The following PBX1 variants were observed in gnomAD, a reference collection of about 807,000 sequenced individuals.
PBX1 encodes pre-B-cell leukemia transcription factor 1.
PBX1 carries 6 observed loss-of-function variants against 53.4 expected under a neutral mutation model. The ratio of observed to expected loss-of-function variants is 0.11; its 90% CI spans 0.06 to 0.22. The LOEUF is 0.22. Among genes scored for constraint, PBX1 ranks in the 10% least tolerant of loss-of-function variants. The pLI is 1.00. For missense variants in PBX1, 251 were observed against 551.4 expected (o/e 0.46, Z 5.46); for synonymous variants, 204 against 212.3 (o/e 0.96, Z 0.34).
At chr1:164,588,132 C>T (rs1253612448) in intron 2 of PBX1, among the ~76,000 whole-genome samples, 3 of 152,074 alleles carry the variant, frequency 2.0e-5, no homozygotes, top group South Asian at 4.1e-4. Context: ...GGATACCCAT[C>T]GCAGGGAGCT....
downstream of PBX1, among the ~76,000 whole-genome samples, chr1:164,852,281 A>G (rs1671871616): frequency 6.6e-6 from 1 of 152,206 alleles, no homozygotes; most frequent in Admixed American, 6.5e-5. Flanking sequence ...GTTACAAATA[A>G]TACCCAGTTG....
At chr1:164,659,870 A>G (rs1278471531) in intron 2 of PBX1, among the ~76,000 whole-genome samples, 1 of 152,166 alleles carries the variant, frequency 6.6e-6, no homozygotes, top group Non-Finnish European at 1.5e-5. Context: ...GTCTCCTAAC[A>G]GGCTTCCTCT....
intron 2 of PBX1, among the ~76,000 whole-genome samples, chr1:164,625,275 G>A (rs746803044): frequency 6.6e-6 from 1 of 152,188 alleles, no homozygotes; most frequent in African/African-American, 2.4e-5. Context: ...GACGGATAAA[G>A]ACAGTTACAG....
chr1:164,731,833 C>T (rs897786401), intron 2 of PBX1, among the ~76,000 whole-genome samples: 3 of 152,166 alleles, frequency 2.0e-5, no homozygotes, highest in African/African-American at 4.8e-5. Context: ...ATGAGCTCGG[C>T]GGCCTGTGTG....
At position 164,849,691 on chromosome 1, in the gene PBX1, A is replaced by G. The variant is rs1671739920; in HGVS notation, c.*3015A>G. On this transcript the variant is annotated 3_prime_UTR_variant, in exon 9 of 9. Coordinates refer to ENST00000420696, the MANE Select transcript of PBX1 (RefSeq NM_002585.4). ...TAATCCATCCTCCCTCTGGCATGGA[A>G]TTGACGCCCGTGCAGTACATTTGCC... is the stretch of plus-strand genomic sequence containing the variant. 1 of 370,424 alleles carries G rather than the reference A, an allele frequency of 2.7e-6. No homozygotes were observed. The highest frequency in any genetic ancestry group is 4.9e-6 in the Non-Finnish European group (1 of 204,002). The allele number at this position is 370,424 out of a possible 1,614,324, so 22.9% of individuals were successfully genotyped here.
At chr1:164,589,788 AC>A (rs1302182889) in intron 2 of PBX1, among the ~76,000 whole-genome samples, 2 of 152,294 alleles carry the variant, frequency 1.3e-5, no homozygotes, top group East Asian at 3.9e-4. Flanking sequence ...AGGTGAAGTG[AC>A]TTTTCCAAGG....
At chr1:164,664,752 T>A (rs1264852638) in intron 2 of PBX1, among the ~76,000 whole-genome samples, 2 of 152,126 alleles carry the variant, frequency 1.3e-5, no homozygotes, top group Non-Finnish European at 2.9e-5. Context: ...GAGGAGCAAG[T>A]CATATCTTAT....
In PBX1 at chr1:164,610,082, C is replaced by T. The variant is rs1264107757; in HGVS notation, c.265+46771C>T. On this transcript the variant is annotated intron_variant, in intron 2 of 8. Coordinates refer to ENST00000420696, the MANE Select transcript of PBX1 (RefSeq NM_002585.4). ...CCCCACCTTCCATGCCTGCGCGTCT[C>T]CTTTTGTTCTGTCAGGTTTAGCATT... Among the ~76,000 whole-genome samples, 3 of 152,204 alleles carry T rather than the reference C, an allele frequency of 2.0e-5. No homozygotes were observed. The East Asian group carries it at 5.8e-4, about 29-fold the overall frequency.
intron 2 of PBX1, among the ~76,000 whole-genome samples, chr1:164,751,739 G>A (rs1250700147): frequency 2.6e-5 from 4 of 151,736 alleles, no homozygotes; most frequent in East Asian, 2.0e-4. Flanking sequence ...CTGCCACCAC[G>A]CCTGGCTAAT....
chr1:164,737,645 A>AT, intron 2 of PBX1, among the ~76,000 whole-genome samples: 1 of 151,920 alleles, frequency 6.6e-6, no homozygotes, highest in Non-Finnish European at 1.5e-5. Flanking sequence ...TGCCCAACTG[A>AT]TTTTTGTATC....
chr1:164,826,259 C>T (rs534176030), intron 8 of PBX1, among the ~76,000 whole-genome samples: 1 of 151,680 alleles, frequency 6.6e-6, no homozygotes, highest in Non-Finnish European at 1.5e-5. Flanking sequence ...TTCTTTCTAG[C>T]CAACCCCAGT....
chr1:164,572,020 C>T (rs1312339837), intron 2 of PBX1, among the ~76,000 whole-genome samples: 1 of 150,102 alleles, frequency 6.7e-6, no homozygotes, highest in Non-Finnish European at 1.5e-5. Flanking sequence ...GATTCTCCTG[C>T]CTCAGCCTCC....
chr1:164,880,093 G>A (rs1215357707), intron 2 of PBX1, among the ~76,000 whole-genome samples: 3 of 152,162 alleles, frequency 2.0e-5, no homozygotes, highest in African/African-American at 7.2e-5. Flanking sequence ...CTGAAAAGAA[G>A]GCTTATGTTT....
chr1:164,620,997 A>G (rs1657637484), intron 2 of PBX1, among the ~76,000 whole-genome samples: 1 of 147,900 alleles, frequency 6.8e-6, no homozygotes. Flanking sequence ...AAAAAAATTA[A>G]TTAATTTTTT....
intron 2 of PBX1, among the ~76,000 whole-genome samples, chr1:164,736,377 G>GCGA (rs1665272178): frequency 6.6e-6 from 1 of 152,162 alleles, no homozygotes; most frequent in South Asian, 2.1e-4. Flanking sequence ...GCCAGCTAAT[G>GCGA]CGACGGCTGT....
intron 2 of PBX1, among the ~76,000 whole-genome samples, chr1:164,741,967 A>G (rs1665639860): frequency 6.6e-6 from 1 of 152,070 alleles, no homozygotes; most frequent in Admixed American, 6.6e-5. Context: ...TATCTGGAAA[A>G]ATATAAATTT....
At chr1:164,737,491 G>GT (rs904404975) in intron 2 of PBX1, among the ~76,000 whole-genome samples, 107 of 140,186 alleles carry the variant, frequency 7.6e-4, no homozygotes, top group Admixed American at 1.6e-3. Context: ...CTTTTTTTTT[G>GT]TTTTTTTTTG....
intron 3 of PBX1, among the ~76,000 whole-genome samples, chr1:164,796,261 G>A (rs1412812609): frequency 1.3e-5 from 2 of 152,128 alleles, no homozygotes; most frequent in Non-Finnish European, 2.9e-5. Context: ...ACCCGCCTCA[G>A]ACTCCCAAAG....
Position 164,847,946 on chromosome 1 carries a change from C to T in PBX1, c.*1270C>T. 1 of 1,052,498 alleles carries T rather than the reference C, an allele frequency of 9.5e-7. No homozygotes were observed. Among genetic ancestry groups the T allele is most frequent in the Non-Finnish European group, 1.1e-6 (1 of 871,276 alleles). The allele number at this position is 1,052,498 out of a possible 1,614,324, so 65.2% of individuals were successfully genotyped here. A position where few individuals can be genotyped will look rare whatever the true frequency, so the allele number is the denominator to read the frequency against. On this transcript the variant is annotated 3_prime_UTR_variant, in exon 9 of 9. Coordinates refer to ENST00000420696, the MANE Select transcript of PBX1 (RefSeq NM_002585.4). ...GAGCCCCATACAGTACTTACAATGT[C>T]TTTAATGGACTTGATTCTGTTTAAT... is the stretch of plus-strand genomic sequence containing the variant.
Sources: allele counts gnomAD v4.1 joint callset (sites outside exome capture counted in the v4.1 genomes callset), GRCh38; gene constraint gnomAD v4.1.1; transcripts MANE v1.5; gene names NCBI Gene and HGNC (gene_info 2026-07-23, HGNC 2026-07-21).